CRY1: variants seen among roughly 807,000 people sequenced by gnomAD.
CRY1 encodes the protein cryptochrome-1.
In CRY1, 45 loss-of-function variants were observed where a neutral mutation model predicts 76.0. That is an observed-to-expected ratio of 0.59 (90% confidence interval 0.47 to 0.76). CRY1 has a LOEUF of 0.76. CRY1 is among the 30% of genes least tolerant of loss of function. The pLI is 0.00. For synonymous variants in CRY1, 248 were observed against 244.0 expected (o/e 1.02, Z -0.15); for missense variants, 587 against 716.4 (o/e 0.82, Z 2.06).
chr12:107,009,066 G>T (rs1396964091), intron 2 of CRY1, among the ~76,000 whole-genome samples: 2 of 152,164 alleles, frequency 1.3e-5, no homozygotes, highest in South Asian at 2.1e-4. Context: ...TTAGCTAAAA[G>T]ACCTTTTTAA....
Position 107,090,085 on chromosome 12 carries a change from TTTTTC to T in CRY1, c.158+2714_158+2718del, listed in dbSNP as rs1303787405. On this transcript the variant is annotated intron_variant, in intron 1 of 12. Coordinates refer to ENST00000008527, the MANE Select transcript of CRY1 (RefSeq NM_004075.5). ...CTTGAAATATTTTCCTTCTTTCTTT[TTTTTC>T]TTTTTCTTTTTTTTTTTGAGACAGA... Among the ~76,000 whole-genome samples the T allele has an allele frequency of 7.4e-4, 111 of 150,892 alleles. 2 individuals are homozygous for T. The highest frequency in any genetic ancestry group is 7.2e-3 in the Admixed American group (110 of 15,232).
intron 1 of CRY1, among the ~76,000 whole-genome samples, chr12:107,058,571 A>G (rs1241127631): frequency 2.0e-5 from 3 of 152,244 alleles, no homozygotes; most frequent in African/African-American, 7.2e-5. Context: ...AAAGTTTAGA[A>G]GTACTTAGAA....
At chr12:107,015,118 C>T (rs570887107) in intron 2 of CRY1, among the ~76,000 whole-genome samples, 55 of 152,210 alleles carry the variant, frequency 3.6e-4, no homozygotes, top group African/African-American at 9.6e-4. Context: ...CCTTGTGATC[C>T]GCCGGCCTCA....
At chr12:107,034,168 G>GA (rs1284848279) in intron 1 of CRY1, among the ~76,000 whole-genome samples, 2 of 151,950 alleles carry the variant, frequency 1.3e-5, no homozygotes, top group African/African-American at 4.8e-5. Flanking sequence ...AGATGGAGAC[G>GA]AAAGTGACCT....
chr12:107,065,269 T>C (rs1376157613), intron 1 of CRY1, among the ~76,000 whole-genome samples: 1 of 151,266 alleles, frequency 6.6e-6, no homozygotes, highest in East Asian at 2.0e-4. Flanking sequence ...ACTCCAAGCC[T>C]GGGCGACAGA....
intron 2 of CRY1, among the ~76,000 whole-genome samples, chr12:107,009,599 TATAA>T (rs1484933795): frequency 0.081 from 1,672 of 20,738 alleles, 69 homozygotes; most frequent in African/African-American, 0.15. Flanking sequence ...TATATATATA[TATAA>T]AATCTCTATA....
chr12:107,007,909 C>A (rs1471352856), intron 2 of CRY1, among the ~76,000 whole-genome samples: 1 of 152,118 alleles, frequency 6.6e-6, no homozygotes, highest in East Asian at 1.9e-4. Context: ...ACACTTCCTG[C>A]CCCTTTTCCT....
chr12:107,055,422 A>G (rs970323939), intron 1 of CRY1, among the ~76,000 whole-genome samples: 3 of 152,156 alleles, frequency 2.0e-5, no homozygotes, highest in Non-Finnish European at 2.9e-5. Flanking sequence ...TTAGAGGGAT[A>G]TTTACACACC....
chr12:107,010,785 GGTGCC>G (rs1952436357), intron 2 of CRY1, among the ~76,000 whole-genome samples: 1 of 133,198 alleles, frequency 7.5e-6, no homozygotes, highest in Non-Finnish European at 1.7e-5. Context: ...ATTGTTTTGG[GGTGCC>G]ATGAATTGCA....
At chr12:107,080,366 G>T (rs931717093) in intron 1 of CRY1, among the ~76,000 whole-genome samples, 1 of 152,126 alleles carries the variant, frequency 6.6e-6, no homozygotes, top group South Asian at 2.1e-4. Flanking sequence ...ACACACACAC[G>T]TCCGGGGATC....
intron 1 of CRY1, among the ~76,000 whole-genome samples, chr12:107,032,697 T>C (rs1385439616): frequency 6.6e-6 from 1 of 152,170 alleles, no homozygotes; most frequent in Non-Finnish European, 1.5e-5. Flanking sequence ...TAATCTCAAC[T>C]ACTCGGGAAG....
intron 1 of CRY1, among the ~76,000 whole-genome samples, chr12:107,037,876 CT>C (rs533760207): frequency 3.0e-4 from 46 of 151,940 alleles, no homozygotes; most frequent in Non-Finnish European, 4.9e-4. Context: ...ACCTGGCTAA[CT>C]TTTTAATTTT....
intron 1 of CRY1, among the ~76,000 whole-genome samples, chr12:107,078,105 T>C (rs1565845715): frequency 1.3e-5 from 2 of 152,314 alleles, no homozygotes; most frequent in East Asian, 3.9e-4. Context: ...ACAAAATTCA[T>C]TTTCATGGCA....
At chr12:107,044,734 A>C (rs1364030292) in intron 1 of CRY1, among the ~76,000 whole-genome samples, 1 of 152,236 alleles carries the variant, frequency 6.6e-6, no homozygotes, top group South Asian at 2.1e-4. Context: ...TGAAATTTAA[A>C]GAAATACATT....
At chr12:107,015,094 T>C (rs986420641) in intron 2 of CRY1, among the ~76,000 whole-genome samples, 3 of 152,164 alleles carry the variant, frequency 2.0e-5, no homozygotes, top group Non-Finnish European at 2.9e-5. Flanking sequence ...GTCAGGCTGG[T>C]CTTGCACTCC....
intron 1 of CRY1, among the ~76,000 whole-genome samples, chr12:107,022,807 AT>A (rs374586492): frequency 1.6e-4 from 25 of 151,732 alleles, no homozygotes; most frequent in African/African-American, 5.8e-4. Context: ...TTATGTGGTT[AT>A]TAATTCCCTG....
In CRY1 at chr12:106,999,570, C is replaced by A. The variant is rs1952277546; in HGVS notation, c.1118G>T (p.Ser373Ile). Residue 373 changes from serine (S) to isoleucine (I), a missense_variant, in exon 7 of 13, where the codon AGT becomes ATT. By Grantham distance (142) the Ser-to-Ile change is moderately radical (BLOSUM62 -2). Transcript: ENST00000008527. Reference protein sequence around the residue: ...CFLTRGDLWISWEEGMKVFEE... With the variant: ...CFLTRGDLWIIWEEGMKVFEE... The stretch of plus-strand genomic sequence containing the variant: ...ACTTACCTTCATTCCTTCTTCCCAA[C>A]TAATCCACAGGTCCCCTCGTGTCAG... 6.2e-7 allele frequency: 1 copy of A among 1,612,860 alleles called. No individual in the cohort carries two copies. Among genetic ancestry groups the A allele is most frequent in the Non-Finnish European group, 8.5e-7 (1 of 1,179,462 alleles).
chr12:107,050,438 C>T lies in CRY1; in HGVS notation c.159-28246G>A, dbSNP rs1184040460. 2.6e-5 allele frequency: 4 copies of T among 152,180 alleles called. No homozygotes were observed. In the East Asian group the frequency reaches 5.8e-4, roughly 22 times the overall value. 9.4% of individuals were successfully genotyped at this position (152,180 alleles called of 1,614,324 possible). ...ATGGGTTGGTGCTATCGTCATGATGCGTGAGTTTTCACTCTATTAGTTCAT... is the reference window on the plus strand; with the variant it reads ...ATGGGTTGGTGCTATCGTCATGATGTGTGAGTTTTCACTCTATTAGTTCAT... On this transcript the variant is annotated intron_variant, in intron 1 of 12. Transcript: ENST00000008527.
In CRY1 at chr12:107,055,639, T is replaced by C. The variant is rs187255723; in HGVS notation, c.159-33447A>G. On this transcript the variant is annotated intron_variant, in intron 1 of 12. Transcript: ENST00000008527. ...GTGAAGGCAAATAAAGTTGGTTGTC[T>C]GAAAAGACAATAAAACTAACCAACC... 5.8e-4 allele frequency among the ~76,000 whole-genome samples: 88 copies of C among 152,174 alleles called. 1 individual carries two copies. In the East Asian group the frequency reaches 0.015, roughly 25 times the overall value.
Sources: gnomAD v4.1 joint callset for allele counts (sites outside exome capture counted in the v4.1 genomes callset) on GRCh38, gnomAD v4.1.1 for gene constraint, MANE v1.5 for transcripts, NCBI Gene and HGNC (gene_info 2026-07-23, HGNC 2026-07-21) for gene names.